The following CEP128 variants were observed in gnomAD, a reference collection of about 807,000 sequenced individuals.
CEP128 encodes the protein centrosomal protein 128kDa.
A neutral mutation model predicts 156.7 loss-of-function variants in CEP128; 132 were observed. That is an observed-to-expected ratio of 0.84 (90% CI 0.73 to 0.97). The LOEUF (loss-of-function observed/expected upper bound fraction) is 0.97. CEP128 is among the 50% of genes least tolerant of loss of function. CEP128 has a pLI of 0.00. For missense variants in CEP128, 1,252 were observed against 1,281.9 expected (o/e 0.98, Z 0.36); for synonymous variants, 469 against 448.9 (o/e 1.04, Z -0.57).
At chr14:80,592,397 A>G (rs1892115273) in intron 19 of CEP128, among the ~76,000 whole-genome samples, 1 of 152,194 alleles carries the variant, frequency 6.6e-6, no homozygotes, top group Non-Finnish European at 1.5e-5. Flanking sequence ...AAACTAGAAA[A>G]TCTACAAGAA....
intron 19 of CEP128, among the ~76,000 whole-genome samples, chr14:80,717,747 T>A (rs1397405444): frequency 6.6e-6 from 1 of 152,194 alleles, no homozygotes; most frequent in Non-Finnish European, 1.5e-5. Flanking sequence ...ATCAAATAGA[T>A]CATTGATCTA....
intron 2 of CEP128, among the ~76,000 whole-genome samples, chr14:80,931,377 C>T (rs1885455918): frequency 6.6e-6 from 1 of 152,178 alleles, no homozygotes; most frequent in Non-Finnish European, 1.5e-5. Flanking sequence ...GTCACCTGAA[C>T]CTAACAACGT....
chr14:80,521,057 G>T (rs1468817837), intron 23 of CEP128, among the ~76,000 whole-genome samples: 5 of 142,578 alleles, frequency 3.5e-5, no homozygotes, highest in African/African-American at 1.3e-4. Context: ...TAGCCAGGAT[G>T]GTCTCGATCT....
At chr14:80,839,273 C>G (rs1886237791) in intron 10 of CEP128, among the ~76,000 whole-genome samples, 1 of 152,202 alleles carries the variant, frequency 6.6e-6, no homozygotes, top group Admixed American at 6.5e-5. Context: ...AAAAATCACA[C>G]ATTTATATTA....
chr14:80,892,094 G>C (rs1187294386), intron 8 of CEP128, among the ~76,000 whole-genome samples: 1 of 149,546 alleles, frequency 6.7e-6, no homozygotes, highest in Non-Finnish European at 1.5e-5. Flanking sequence ...GAAACATAAA[G>C]ACCCTAAAAC....
intron 13 of CEP128, among the ~76,000 whole-genome samples, chr14:80,796,317 G>A (rs1883472596): frequency 6.6e-6 from 1 of 152,110 alleles, no homozygotes; most frequent in Non-Finnish European, 1.5e-5. Context: ...AAAATTAGCT[G>A]GGTATGGTGG....
chr14:80,670,270 C>T (rs1474517064), intron 19 of CEP128, among the ~76,000 whole-genome samples: 1 of 152,084 alleles, frequency 6.6e-6, no homozygotes, highest in East Asian at 1.9e-4. Flanking sequence ...AAAAAAGATA[C>T]CTTTACTCAT....
intron 19 of CEP128, among the ~76,000 whole-genome samples, chr14:80,669,242 C>T (rs1895745831): frequency 6.6e-6 from 1 of 152,164 alleles, no homozygotes; most frequent in African/African-American, 2.4e-5. Context: ...GAAAACTCTT[C>T]TGGACATGGG....
chr14:80,580,794 T>A (rs924285079), intron 19 of CEP128, among the ~76,000 whole-genome samples: 3 of 152,216 alleles, frequency 2.0e-5, no homozygotes, highest in African/African-American at 7.2e-5. Context: ...AAAAGCCTTT[T>A]TCTTTTGAAA....
At chr14:80,860,750 A>G (rs1887474975) in intron 9 of CEP128, among the ~76,000 whole-genome samples, 1 of 152,150 alleles carries the variant, frequency 6.6e-6, no homozygotes, top group African/African-American at 2.4e-5. Context: ...TCAGAAAACA[A>G]AAGCAGATTT....
chr14:80,498,500 C>G (rs1403050628), intron 24 of CEP128, among the ~76,000 whole-genome samples: 2 of 152,210 alleles, frequency 1.3e-5, no homozygotes, highest in African/African-American at 4.8e-5. Flanking sequence ...CGCTCAGTAG[C>G]CCGTATCTCT....
In CEP128 at chr14:80,931,101, T is replaced by C. The variant is rs1315535420; in HGVS notation, c.-16+8284A>G. On this transcript the variant is annotated intron_variant, in intron 2 of 24. Coordinates refer to ENST00000555265, the MANE Select transcript of CEP128 (RefSeq NM_152446.5). ...GGCAAGAATGCTTGTTTTTATGTGATATATTTTTCAGGAGGATGTGCATGA... is the reference window on the plus strand; with the variant it reads ...GGCAAGAATGCTTGTTTTTATGTGACATATTTTTCAGGAGGATGTGCATGA... Among the ~76,000 whole-genome samples, 3 of 152,362 alleles carry C rather than the reference T, an allele frequency of 2.0e-5. No individual in the cohort carries two copies. In the East Asian group the frequency reaches 5.8e-4, roughly 29 times the overall value.
chr14:80,737,232 C>A (rs554775262), intron 19 of CEP128, among the ~76,000 whole-genome samples: 1 of 151,916 alleles, frequency 6.6e-6, no homozygotes, highest in Non-Finnish European at 1.5e-5. Flanking sequence ...GGTGAAACTC[C>A]TTCTCTTCTA....
intron 15 of CEP128, among the ~76,000 whole-genome samples, chr14:80,779,743 A>G (rs1901001423): frequency 6.6e-5 from 10 of 152,198 alleles, no homozygotes. Flanking sequence ...GTTTTCAAAT[A>G]TTTACCAGCA....
chr14:80,840,490 A>C (rs981730002), intron 10 of CEP128, among the ~76,000 whole-genome samples, 192 bp downstream of exon 10: 19 of 152,148 alleles, frequency 1.2e-4, no homozygotes, highest in African/African-American at 4.6e-4. Context: ...CAAGGTAGCA[A>C]ACAACTTGCT....
chr14:80,913,676 G>A (rs557202043), intron 4 of CEP128, among the ~76,000 whole-genome samples: 4 of 151,592 alleles, frequency 2.6e-5, no homozygotes, highest in Non-Finnish European at 4.4e-5. Context: ...CAGAAGGGAC[G>A]CAAAGGTATA....
intron 19 of CEP128, among the ~76,000 whole-genome samples, chr14:80,605,719 T>A (rs1566807156): frequency 1.3e-5 from 2 of 152,014 alleles, no homozygotes; most frequent in Non-Finnish European, 2.9e-5. Context: ...AAGAATGTCT[T>A]CCAAAAGACA....
At chr14:80,878,242 TC>T in intron 8 of CEP128, among the ~76,000 whole-genome samples, 1 of 152,200 alleles carries the variant, frequency 6.6e-6, no homozygotes. Context: ...GTGCCTCACA[TC>T]CCAGGGAATA....
chr14:80,868,625 C>T (rs906514757), intron 8 of CEP128, among the ~76,000 whole-genome samples: 6 of 152,018 alleles, frequency 3.9e-5, no homozygotes, highest in African/African-American at 7.2e-5. Context: ...ATTAAGAAAA[C>T]GGCAGTAGCA....
Sources: allele counts gnomAD v4.1 joint callset (sites outside exome capture counted in the v4.1 genomes callset), GRCh38; gene constraint gnomAD v4.1.1; transcripts MANE v1.5; gene names NCBI Gene and HGNC (gene_info 2026-07-23, HGNC 2026-07-21).